Variants in RAP1GAP2 observed in about 807,000 individuals in gnomAD.
RAP1GAP2 encodes RAP1 GTPase activating protein 2, also known as rap1 GTPase-activating protein 2.
RAP1GAP2 carries 27 observed loss-of-function variants against 95.0 expected under a neutral mutation model. That is an observed-to-expected ratio of 0.28 (90% CI 0.21 to 0.39). RAP1GAP2 has a LOEUF of 0.39. Among genes scored for constraint, RAP1GAP2 ranks in the 10% least tolerant of loss-of-function variants. The pLI is 1.00. For missense variants in RAP1GAP2, 771 were observed against 970.0 expected, an observed-to-expected ratio of 0.79 and a Z score of 2.72; for synonymous variants, 373 against 380.9, an observed-to-expected ratio of 0.98 and a Z score of 0.24.
intron 3 of RAP1GAP2, among the ~76,000 whole-genome samples, chr17:2,907,590 G>A (rs1247409052): frequency 6.6e-6 from 1 of 152,200 alleles, no homozygotes; most frequent in Non-Finnish European, 1.5e-5. Flanking sequence ...TAGTCTCGGA[G>A]AGGGTCAGGT....
At position 2,909,323 on chromosome 17, in the gene RAP1GAP2, C is replaced by A. The variant is rs189195454; in HGVS notation, c.165+3955C>A. ...AGTGCACAGTGGCCACTGGGCTCCG[C>A]GGCCTGGCAGTTGCAGGGGATGTAA... On this transcript the variant is annotated intron_variant, in intron 3 of 24. Transcript: ENST00000254695. 5.2e-3 allele frequency among the ~76,000 whole-genome samples: 790 copies of A among 152,124 alleles called. 3 individuals carry two copies. Among genetic ancestry groups the A allele is most frequent in the Non-Finnish European group, 9.1e-3 (617 of 67,998 alleles).
chr17:2,921,723 G>A (rs2042784104), intron 3 of RAP1GAP2, among the ~76,000 whole-genome samples: 2 of 151,756 alleles, frequency 1.3e-5, no homozygotes, highest in Admixed American at 6.6e-5. Flanking sequence ...CCACAGGGCC[G>A]TTAAGGTGTC....
chr17:2,979,233 T>C (rs1410365035), intron 8 of RAP1GAP2, among the ~76,000 whole-genome samples: 1 of 152,136 alleles, frequency 6.6e-6, no homozygotes, highest in Admixed American at 6.5e-5. Flanking sequence ...GTGAATCCCT[T>C]TATGAAGCAG....
intron 2 of RAP1GAP2, among the ~76,000 whole-genome samples, chr17:2,872,350 T>C (rs1249447680): frequency 6.6e-6 from 1 of 151,844 alleles, no homozygotes; most frequent in Non-Finnish European, 1.5e-5. Flanking sequence ...GTGTCCATGC[T>C]CTGATGGACC....
intron 2 of RAP1GAP2, among the ~76,000 whole-genome samples, chr17:2,854,837 C>T (rs1017958943): frequency 6.6e-6 from 1 of 152,174 alleles, no homozygotes; most frequent in Non-Finnish European, 1.5e-5. Flanking sequence ...TGGCACAAAG[C>T]CTCCCTGTTC....
At chr17:2,861,651 G>T (rs11345262) in intron 2 of RAP1GAP2, among the ~76,000 whole-genome samples, 76 of 36,670 alleles carry the variant, frequency 2.1e-3, no homozygotes, top group African/African-American at 9.4e-3. Flanking sequence ...TATTTTTTTT[G>T]GGGGGGGGGA....
chr17:2,888,941 T>A (rs1402945597), intron 2 of RAP1GAP2, among the ~76,000 whole-genome samples: 2 of 151,624 alleles, frequency 1.3e-5, no homozygotes, highest in Non-Finnish European at 2.9e-5. Context: ...GGATTACAGG[T>A]GTGAGCCACC....
At chr17:2,977,741 C>T (rs927030946) in intron 8 of RAP1GAP2, among the ~76,000 whole-genome samples, 14 of 117,608 alleles carry the variant, frequency 1.2e-4, no homozygotes, top group Admixed American at 4.8e-4. Context: ...TGAGAGACTC[C>T]GTCTTAAAAA....
intron 2 of RAP1GAP2, among the ~76,000 whole-genome samples, chr17:2,883,337 A>G (rs1379737456): frequency 6.6e-6 from 1 of 151,792 alleles, no homozygotes; most frequent in Non-Finnish European, 1.5e-5. Flanking sequence ...CATTCTTGGC[A>G]TTTCTCTCGG....
chr17:2,805,754 ATG>A (rs71377539), intron 2 of RAP1GAP2, among the ~76,000 whole-genome samples: 5 of 150,188 alleles, frequency 3.3e-5, no homozygotes, highest in Admixed American at 2.7e-4. Context: ...AGATGCGTGT[ATG>A]TGTGTGTGTG....
At chr17:2,931,479 T>C (rs1039174165) in intron 3 of RAP1GAP2, among the ~76,000 whole-genome samples, 2 of 152,212 alleles carry the variant, frequency 1.3e-5, no homozygotes, top group Non-Finnish European at 2.9e-5. Context: ...CAGCCCATTG[T>C]CCCTACCCTA....
At chr17:2,964,113 T>G (rs1597737197) in intron 7 of RAP1GAP2, 45 bp downstream of exon 7, 12 of 1,313,236 alleles carry the variant, frequency 9.1e-6, no homozygotes, top group East Asian at 2.9e-5. Context: ...GGGCAGAGGC[T>G]GGGGACGCTG....
At chr17:2,914,887 G>T (rs1180875940) in intron 3 of RAP1GAP2, among the ~76,000 whole-genome samples, 1 of 150,320 alleles carries the variant, frequency 6.7e-6, no homozygotes, top group African/African-American at 2.5e-5. Context: ...CACCTCCTGG[G>T]TTCAAACGAT....
intron 3 of RAP1GAP2, among the ~76,000 whole-genome samples, chr17:2,944,080 C>T (rs2043611907): frequency 6.8e-6 from 1 of 147,822 alleles, no homozygotes; most frequent in Non-Finnish European, 1.5e-5. Context: ...ACCCAGGAGT[C>T]AGAGGTTGCT....
rs373316733 is a variant in RAP1GAP2 at position 3,026,390 on chromosome 17, C to T, written c.1906C>T (p.Arg636Cys). ...GAAGGAAAACGGCCGTGCCATCTCCCGCTCCTCCTCCAGCACCAGCAGCGT... is the reference window on the plus strand; with the variant it reads ...GAAGGAAAACGGCCGTGCCATCTCCTGCTCCTCCTCCAGCACCAGCAGCGT... ...KLKENGRAIS[R>C]SSSSTSSVSS... Residue 636 changes from arginine to cysteine, a missense_variant, in exon 21 of 25, where the codon CGC becomes TGC. By Grantham distance (180) the Arg-to-Cys change is radical. Transcript: ENST00000254695. The T allele has an allele frequency of 7.7e-6, 12 of 1,552,186 alleles. No individual in the cohort carries two copies. Among genetic ancestry groups the T allele is most frequent in the Non-Finnish European group, 9.6e-6 (11 of 1,147,546 alleles).
At chr17:3,014,255 G>A (rs533772472) in intron 17 of RAP1GAP2, among the ~76,000 whole-genome samples, 1 of 152,362 alleles carries the variant, frequency 6.6e-6, no homozygotes, top group Non-Finnish European at 1.5e-5. Context: ...TATAGAGCCT[G>A]TGGCTGCCAG....
intron 2 of RAP1GAP2, 64 bp downstream of exon 2, chr17:2,800,614 G>A (rs562718025): frequency 2.6e-6 from 4 of 1,539,816 alleles, no homozygotes; most frequent in African/African-American, 2.7e-5. Context: ...CCGGGCCCTT[G>A]CTCCCCCCAG....
At chr17:2,861,310 A>G (rs1004827007) in intron 2 of RAP1GAP2, among the ~76,000 whole-genome samples, 1 of 151,756 alleles carries the variant, frequency 6.6e-6, no homozygotes, top group Non-Finnish European at 1.5e-5. Context: ...TTCCTCCCCT[A>G]GAATGGAAAC....
chr17:2,998,162 C>T lies in RAP1GAP2; in HGVS notation c.1045-59C>T. ...AAGGAAAGTGAACCCACTCTTTCCC[C>T]AAAACATCTTTCATGATTTTCCTAA... On this transcript the variant is annotated intron_variant, in intron 13 of 24. Transcript: ENST00000254695. 4 of 1,560,682 alleles carry T rather than the reference C, an allele frequency of 2.6e-6. No homozygotes were observed. The South Asian group carries it at 4.5e-5, about 18-fold the overall frequency.
Sources: gnomAD v4.1 joint callset for allele counts (sites outside exome capture counted in the v4.1 genomes callset) on GRCh38, gnomAD v4.1.1 for gene constraint, MANE v1.5 for transcripts, NCBI Gene and HGNC (gene_info 2026-07-23, HGNC 2026-07-21) for gene names.